NBEA: variants seen among roughly 807,000 people sequenced by gnomAD.
NBEA encodes the protein lysosomal-trafficking regulator 2.
Under a neutral mutation model 343.4 loss-of-function variants are expected in NBEA, and 44 were observed. The observed-to-expected ratio is 0.13, with a 90% confidence interval of 0.10 to 0.16. NBEA has a LOEUF of 0.16. Among genes scored for constraint, NBEA ranks in the 10% least tolerant of loss-of-function variants. The pLI, the probability that NBEA is intolerant of heterozygous loss-of-function variation, is 1.00. For missense variants in NBEA, 2,555 were observed against 3,631.3 expected, an observed-to-expected ratio of 0.70 and a Z score of 7.62; for synonymous variants, 1,175 against 1,238.7, an observed-to-expected ratio of 0.95 and a Z score of 1.08.
At chr13:35,240,494 C>T (rs1361440556) in intron 34 of NBEA, among the ~76,000 whole-genome samples, 2 of 151,748 alleles carry the variant, frequency 1.3e-5, no homozygotes, top group Admixed American at 1.3e-4. Context: ...AAAAGCACAC[C>T]TGATTAAATC....
chr13:35,232,830 A>T (rs759512428), intron 34 of NBEA, among the ~76,000 whole-genome samples: 27 of 152,088 alleles, frequency 1.8e-4, no homozygotes, highest in Admixed American at 2.6e-4. Flanking sequence ...AACTTTGAAG[A>T]TGAAGAACGT....
intron 36 of NBEA, among the ~76,000 whole-genome samples, chr13:35,332,609 G>C (rs1262216211): frequency 6.6e-6 from 1 of 152,032 alleles, no homozygotes; most frequent in Non-Finnish European, 1.5e-5. Flanking sequence ...TGTAAATTAT[G>C]GGTAGCCATT....
intron 1 of NBEA, among the ~76,000 whole-genome samples, chr13:35,006,886 G>C (rs555459379): frequency 6.6e-6 from 1 of 152,304 alleles, no homozygotes; most frequent in East Asian, 1.9e-4. Context: ...TCGAATAGCT[G>C]GGATTACAGG....
intron 1 of NBEA, among the ~76,000 whole-genome samples, chr13:35,033,195 A>T (rs1030428762): frequency 6.6e-6 from 1 of 151,892 alleles, no homozygotes; most frequent in Non-Finnish European, 1.5e-5. Context: ...CATGAGAGAT[A>T]GGGGTTTAGT....
chr13:35,239,913 A>G (rs1003941765), intron 34 of NBEA, among the ~76,000 whole-genome samples: 2 of 151,504 alleles, frequency 1.3e-5, no homozygotes, highest in African/African-American at 4.8e-5. Context: ...ACCACAAAGC[A>G]AGGAAGGTAT....
At chr13:35,020,203 A>C (rs1387845587) in intron 1 of NBEA, among the ~76,000 whole-genome samples, 1 of 151,904 alleles carries the variant, frequency 6.6e-6, no homozygotes, top group African/African-American at 2.4e-5. Flanking sequence ...GATATGTTAC[A>C]TTTTTATTTA....
At chr13:35,422,048 T>G (rs1028216663) in intron 38 of NBEA, among the ~76,000 whole-genome samples, 1 of 151,606 alleles carries the variant, frequency 6.6e-6, no homozygotes, top group African/African-American at 2.4e-5. Context: ...ACATTTATGT[T>G]TTTGCCAAAT....
chr13:34,951,197 T>C (rs1320865614), intron 1 of NBEA, among the ~76,000 whole-genome samples: 2 of 127,188 alleles, frequency 1.6e-5, no homozygotes, highest in Non-Finnish European at 3.6e-5. Flanking sequence ...ATTTTTATGA[T>C]ATAACATGTG....
chr13:35,368,106 A>T (rs1311900736), intron 38 of NBEA, among the ~76,000 whole-genome samples: 1 of 151,566 alleles, frequency 6.6e-6, no homozygotes, highest in African/African-American at 2.4e-5. Flanking sequence ...TTTCTTGAAA[A>T]GAATCCTATC....
At chr13:35,142,738 C>T (rs1002073278) in intron 18 of NBEA, among the ~76,000 whole-genome samples, 9 of 152,046 alleles carry the variant, frequency 5.9e-5, no homozygotes, top group African/African-American at 2.2e-4. Flanking sequence ...TCTCTTTCTG[C>T]TTCTATTAGC....
chr13:35,135,111 T>C (rs191538791), intron 17 of NBEA, among the ~76,000 whole-genome samples: 20 of 152,112 alleles, frequency 1.3e-4, no homozygotes, highest in Middle Eastern at 3.4e-3. Flanking sequence ...GCACAAAACA[T>C]GCCCTGTTTT....
At chr13:35,528,171 G>C (rs1320264039) in intron 41 of NBEA, among the ~76,000 whole-genome samples, 10 of 152,052 alleles carry the variant, frequency 6.6e-5, no homozygotes, top group Non-Finnish European at 1.2e-4. Context: ...CCAAGCATAA[G>C]TACATCCATT....
chr13:35,471,505 A>C (rs2075647556), intron 40 of NBEA, among the ~76,000 whole-genome samples: 1 of 152,228 alleles, frequency 6.6e-6, no homozygotes, highest in African/African-American at 2.4e-5. Flanking sequence ...TCGTGTTTCG[A>C]ATCCAGGATT....
chr13:35,521,923 A>G (rs1276419575), intron 41 of NBEA, among the ~76,000 whole-genome samples: 4 of 152,196 alleles, frequency 2.6e-5, no homozygotes, highest in Non-Finnish European at 5.9e-5. Context: ...ATTCAGAAAG[A>G]AGAATGCGCA....
chr13:35,467,687 A>G (rs2075448085), intron 40 of NBEA, among the ~76,000 whole-genome samples: 1 of 152,184 alleles, frequency 6.6e-6, no homozygotes, highest in Non-Finnish European at 1.5e-5. Flanking sequence ...AAATAATGTC[A>G]GGATTTTAAG....
chr13:35,513,064 G>A (rs2077342336), intron 41 of NBEA, among the ~76,000 whole-genome samples: 1 of 151,774 alleles, frequency 6.6e-6, no homozygotes, highest in Non-Finnish European at 1.5e-5. Flanking sequence ...TTAGTATTAG[G>A]AAATAATTGT....
chr13:35,557,186 G>T (rs2079612856), intron 44 of NBEA, among the ~76,000 whole-genome samples: 2 of 152,070 alleles, frequency 1.3e-5, no homozygotes, highest in Admixed American at 1.3e-4. Flanking sequence ...CCAGGCTCTG[G>T]ATGGAATGTT....
At chr13:35,367,238 G>T (rs1235683700) in intron 38 of NBEA, among the ~76,000 whole-genome samples, 2 of 151,132 alleles carry the variant, frequency 1.3e-5, no homozygotes, top group Non-Finnish European at 3.0e-5. Flanking sequence ...ACAAAATGAG[G>T]GTTTTGAAGC....
chr13:35,612,777 C>A (rs2082583579), intron 48 of NBEA, among the ~76,000 whole-genome samples: 2 of 152,008 alleles, frequency 1.3e-5, no homozygotes, highest in Non-Finnish European at 2.9e-5. Flanking sequence ...CAAGCAAGAC[C>A]TACCTATATC....
Sources: allele counts gnomAD v4.1 joint callset (sites outside exome capture counted in the v4.1 genomes callset), GRCh38; gene constraint gnomAD v4.1.1; transcripts MANE v1.5; gene names NCBI Gene and HGNC (gene_info 2026-07-23, HGNC 2026-07-21).